Variants in PPP4R3B observed in about 807,000 individuals in gnomAD.
PPP4R3B encodes the protein serine/threonine-protein phosphatase 4 regulatory subunit 3B.
A neutral mutation model predicts 95.4 loss-of-function variants in PPP4R3B; 52 were observed. That is an observed-to-expected ratio of 0.54 (90% confidence interval 0.44 to 0.69). The LOEUF is 0.69. Among genes scored for constraint, PPP4R3B ranks in the 30% least tolerant of loss-of-function variants. The pLI, the probability that PPP4R3B is intolerant of heterozygous loss-of-function variation, is 0.00. For missense variants in PPP4R3B, 1,003 were observed against 1,005.9 expected, an observed-to-expected ratio of 1.00 and a Z score of 0.04; for synonymous variants, 407 against 343.9, an observed-to-expected ratio of 1.18 and a Z score of -2.03.
chr2:55,590,330 C>A (rs760698530), intron 4 of PPP4R3B, among the ~76,000 whole-genome samples: 1 of 151,940 alleles, frequency 6.6e-6, no homozygotes, highest in African/African-American at 2.4e-5. Flanking sequence ...TCCGTCTCAA[C>A]AACAACAAAA....
At chr2:55,561,117 G>T (rs62165184) in intron 15 of PPP4R3B, among the ~76,000 whole-genome samples, 1 of 151,932 alleles carries the variant, frequency 6.6e-6, no homozygotes, top group Non-Finnish European at 1.5e-5. Context: ...CTGCATCCCA[G>T]GTGCTGCAGC....
chr2:55,576,863 G>T (rs1688754208), intron 11 of PPP4R3B, among the ~76,000 whole-genome samples: 1 of 152,262 alleles, frequency 6.6e-6, no homozygotes, highest in East Asian at 1.9e-4. Flanking sequence ...GATGAGGCTG[G>T]CAGAAAAGGT....
chr2:55,563,992 G>A (rs1175906189), intron 15 of PPP4R3B, among the ~76,000 whole-genome samples: 4 of 151,724 alleles, frequency 2.6e-5, no homozygotes, highest in Admixed American at 2.6e-4. Context: ...GAAGCTATAT[G>A]GTCTCTGTTA....
chr2:55,601,122 G>T (rs894619805), intron 3 of PPP4R3B, among the ~76,000 whole-genome samples: 5 of 147,092 alleles, frequency 3.4e-5, no homozygotes, highest in African/African-American at 1.3e-4. Flanking sequence ...TCTAGCCTGG[G>T]GAGAGCCAGA....
chr2:55,587,191 G>C (rs1195265427), intron 5 of PPP4R3B, among the ~76,000 whole-genome samples: 1 of 152,176 alleles, frequency 6.6e-6, no homozygotes, highest in Non-Finnish European at 1.5e-5. Flanking sequence ...TTTGCCTATT[G>C]GTCTATTAGT....
chr2:55,612,707 G>A (rs1447624753), intron 2 of PPP4R3B, among the ~76,000 whole-genome samples: 1 of 152,106 alleles, frequency 6.6e-6, no homozygotes, highest in Non-Finnish European at 1.5e-5. Flanking sequence ...CACTTTGGGG[G>A]GCCGAGGCGG....
chr2:55,567,176 T>G (rs1397443917), intron 13 of PPP4R3B, among the ~76,000 whole-genome samples: 2 of 152,206 alleles, frequency 1.3e-5, no homozygotes, highest in East Asian at 3.9e-4. Flanking sequence ...CCAGATTGTT[T>G]ATGACAAATC....
intron 15 of PPP4R3B, among the ~76,000 whole-genome samples, chr2:55,560,480 A>G (rs1206554736): frequency 6.6e-6 from 1 of 152,152 alleles, no homozygotes; most frequent in Non-Finnish European, 1.5e-5. Context: ...GCAGCAAAGC[A>G]TTCAAGTGGT....
rs569836375 is a variant in PPP4R3B at position 55,561,522 on chromosome 2, C to T, written c.2261-2554G>A. On this transcript the variant is annotated intron_variant, in intron 15 of 16. Coordinates refer to ENST00000616407, the MANE Select transcript of PPP4R3B (RefSeq NM_001122964.3). Reference sequence around the variant, plus strand: ...CATGCACCTGGAAAAGCCACAGGCACTCAACTCTAGCCCATGAAAGCAGCC... The same window carrying T: ...CATGCACCTGGAAAAGCCACAGGCATTCAACTCTAGCCCATGAAAGCAGCC... Among the ~76,000 whole-genome samples, 245 of 152,332 alleles carry T rather than the reference C, an allele frequency of 1.6e-3. 2 individuals carry two copies. The Middle Eastern group carries it at 0.024, about 15-fold the overall frequency.
At chr2:55,597,555 G>C (rs1691969454) in intron 4 of PPP4R3B, among the ~76,000 whole-genome samples, 1 of 152,188 alleles carries the variant, frequency 6.6e-6, no homozygotes, top group South Asian at 2.1e-4. Flanking sequence ...CCGGGAGGCG[G>C]AGCTTGCAGT....
At chr2:55,589,167 T>C (rs560223812) in intron 4 of PPP4R3B, among the ~76,000 whole-genome samples, 1 of 110,338 alleles carries the variant, frequency 9.1e-6, no homozygotes, top group Admixed American at 9.9e-5. Context: ...CTAGTTTAAC[T>C]AAAAACCTCA....
Position 55,549,852 on chromosome 2 carries a change from G to T in PPP4R3B, c.*59C>A. 1.6e-6 allele frequency: 2 copies of T among 1,255,784 alleles called. No homozygotes were observed. The highest frequency in any genetic ancestry group is 2.3e-5 in the East Asian group (1 of 43,060). 77.8% of individuals were successfully genotyped at this position (1,255,784 alleles called of 1,614,324 possible). A position where few individuals can be genotyped will look rare whatever the true frequency, so the allele number is the denominator to read the frequency against. On this transcript the variant is annotated 3_prime_UTR_variant, in exon 17 of 17. Coordinates refer to ENST00000616407, the MANE Select transcript of PPP4R3B (RefSeq NM_001122964.3). Reference sequence around the variant, plus strand: ...GAAAGCTTTCTGATTCAGATTTTCAGCTCACTGAACAGTTGCAGCATTGTA... The same window carrying T: ...GAAAGCTTTCTGATTCAGATTTTCATCTCACTGAACAGTTGCAGCATTGTA...
In PPP4R3B at chr2:55,617,509, C is replaced by A. The variant is rs1695136419; in HGVS notation, c.-224G>T. 2 of 452,652 alleles carry A rather than the reference C, an allele frequency of 4.4e-6. No individual in the cohort carries two copies. Among genetic ancestry groups the A allele is most frequent in the South Asian group, 4.4e-5 (1 of 22,544 alleles). The allele number at this position is 452,652 out of a possible 1,614,324, so 28.0% of individuals were successfully genotyped here. Reference sequence around the variant, plus strand: ...CCCGTTACCTCTCACTTCACCCGCGCATACACCCACTCTCCCGTCTCTTTG... The same window carrying A: ...CCCGTTACCTCTCACTTCACCCGCGAATACACCCACTCTCCCGTCTCTTTG... On this transcript the variant is annotated 5_prime_UTR_variant, in exon 1 of 17. The change abolishes an upstream ATG in the 5' untranslated region. Transcript: ENST00000616407.
intron 2 of PPP4R3B, among the ~76,000 whole-genome samples, chr2:55,610,315 T>C (rs1312210068): frequency 1.3e-5 from 2 of 152,190 alleles, no homozygotes; most frequent in Admixed American, 6.5e-5. Context: ...TTCATGACAT[T>C]GCCACACTCA....
intron 4 of PPP4R3B, among the ~76,000 whole-genome samples, chr2:55,592,600 C>T (rs1237484849): frequency 2.0e-5 from 3 of 151,962 alleles, no homozygotes; most frequent in East Asian, 3.9e-4. Context: ...TTTCTCTTTC[C>T]GTGCCAAAAC....
At chr2:55,577,281 T>C (rs1257247279) in intron 11 of PPP4R3B, 34 bp downstream of exon 11, 4 of 1,532,408 alleles carry the variant, frequency 2.6e-6, no homozygotes, top group Non-Finnish European at 2.6e-6. Context: ...GTTTATAATT[T>C]GCATGTATTC....
At chr2:55,569,841 C>A (rs1396734747) in intron 12 of PPP4R3B, among the ~76,000 whole-genome samples, 2 of 152,138 alleles carry the variant, frequency 1.3e-5, no homozygotes, top group African/African-American at 4.8e-5. Flanking sequence ...TCTCTCATCT[C>A]TGCACACGGG....
intron 6 of PPP4R3B, among the ~76,000 whole-genome samples, chr2:55,585,838 G>A (rs559075762): frequency 2.0e-5 from 3 of 152,206 alleles, no homozygotes; most frequent in South Asian, 2.1e-4. Context: ...TCCTTTTCAG[G>A]AAGTATACAA....
Position 55,558,911 on chromosome 2 carries a change from T to A in PPP4R3B, c.2318A>T (p.Lys773Ile). The A allele has an allele frequency of 6.2e-7, 1 of 1,614,022 alleles. No homozygotes were observed. Among genetic ancestry groups the A allele is most frequent in the Non-Finnish European group, 8.5e-7 (1 of 1,179,928 alleles). ...ACTGGCAGAGTGGGAGAAAGTAAAT[T>A]TGAAGCCACCAGGAGATGTCCTTTT... ...LPKRTSPGGF[K>I]FTFSHSASAA... Residue 773 changes from lysine to isoleucine, a missense_variant, in exon 16 of 17, where the codon AAA becomes ATA. Lys to Ile is a moderately radical substitution (Grantham distance 102, BLOSUM62 -3). Around this residue, in one of 3 missense-constraint regions of PPP4R3B, gnomAD observed 229 missense variants for 194.7 expected, o/e 1.18. Coordinates refer to ENST00000616407, the MANE Select transcript of PPP4R3B (RefSeq NM_001122964.3).
Sources: gnomAD v4.1 joint callset for allele counts (sites outside exome capture counted in the v4.1 genomes callset) on GRCh38, gnomAD v4.1.1 for gene constraint, gnomAD v4.1.1 regional missense constraint, MANE v1.5 for transcripts, NCBI Gene and HGNC (gene_info 2026-07-23, HGNC 2026-07-21) for gene names.